The following SH3RF3 variants were observed in gnomAD, a reference collection of about 807,000 sequenced individuals.
The protein encoded by SH3RF3 is SH3 domain containing ring finger 3, also known as E3 ubiquitin-protein ligase SH3RF3.
In SH3RF3, 29 loss-of-function variants were observed where a neutral mutation model predicts 66.3. That is an observed-to-expected ratio of 0.44 (90% CI 0.33 to 0.60). SH3RF3 has a LOEUF of 0.60. Among genes scored for constraint, SH3RF3 ranks in the 20% least tolerant of loss-of-function variants. SH3RF3 has a pLI of 0.04. For missense variants in SH3RF3, 1,194 were observed against 1,190.9 expected (o/e 1.00, Z -0.04); for synonymous variants, 583 against 532.0 (o/e 1.10, Z -1.32).
intron 8 of SH3RF3, among the ~76,000 whole-genome samples, chr2:109,476,257 C>G (rs996672159): frequency 3.3e-5 from 5 of 152,212 alleles, no homozygotes; most frequent in Non-Finnish European, 4.4e-5. Flanking sequence ...CAAAGTTCTC[C>G]AGACACAGTG....
chr2:109,499,721 T>C (rs1573300587), intron 9 of SH3RF3, among the ~76,000 whole-genome samples: 1 of 152,328 alleles, frequency 6.6e-6, no homozygotes, highest in South Asian at 2.1e-4. Context: ...CCTCCTCCTC[T>C]GTGGCTTGCA....
intron 1 of SH3RF3, among the ~76,000 whole-genome samples, chr2:109,153,611 C>A (rs903859193): frequency 1.3e-5 from 2 of 152,230 alleles, no homozygotes; most frequent in African/African-American, 2.4e-5. Flanking sequence ...GTGGAAGCTG[C>A]CGCTGTGAAA....
rs532644769 is a variant in SH3RF3 at position 109,314,603 on chromosome 2, A to T, written c.574-33071A>T. Among the ~76,000 whole-genome samples the T allele has an allele frequency of 2.6e-5, 4 of 152,304 alleles. No homozygotes were observed. The South Asian group carries it at 8.3e-4, about 32-fold the overall frequency. ...AAATAGTGTCTCCATCTTAATTTGC[A>T]TGTGTCTGTCACTCTCCATGGTCTT... On this transcript the variant is annotated intron_variant, in intron 1 of 9. Coordinates refer to ENST00000309415, the MANE Select transcript of SH3RF3 (RefSeq NM_001099289.3).
intron 1 of SH3RF3, among the ~76,000 whole-genome samples, chr2:109,187,303 T>A (rs1678217279): frequency 6.6e-6 from 1 of 152,242 alleles, no homozygotes. Context: ...TTTAGTCTTT[T>A]CTGTTTAGTC....
At chr2:109,190,684 C>T (rs1678330049) in intron 1 of SH3RF3, among the ~76,000 whole-genome samples, 1 of 152,102 alleles carries the variant, frequency 6.6e-6, no homozygotes, top group Non-Finnish European at 1.5e-5. Flanking sequence ...CATTTAAAAT[C>T]ACCTGCTGAT....
intron 1 of SH3RF3, among the ~76,000 whole-genome samples, chr2:109,200,168 T>G (rs557829047): frequency 1.8e-4 from 28 of 152,228 alleles, no homozygotes; most frequent in Non-Finnish European, 3.5e-4. Flanking sequence ...GTATGGAATA[T>G]TTCTAGTTTA....
chr2:109,398,894 C>T lies in SH3RF3; in HGVS notation c.1250C>T (p.Ala417Val), dbSNP rs746149562. Residue 417 changes from alanine to valine, a missense_variant, in exon 4 of 10, where the codon GCG (alanine) becomes GTG (valine). Physicochemically the swap from Ala to Val is moderately conservative, Grantham distance 64. Coordinates refer to ENST00000309415, the MANE Select transcript of SH3RF3 (RefSeq NM_001099289.3). Reference sequence around the variant, plus strand: ...ATCAGCTCCAGCGATCCCCGAGCCGCGGCCAGGATTGGAGACCTTGCTCAT... The same window carrying T: ...ATCAGCTCCAGCGATCCCCGAGCCGTGGCCAGGATTGGAGACCTTGCTCAT... ...VLISSSDPRA[A>V]ARIGDLAHLS... 1.2e-4 allele frequency: 198 copies of T among 1,613,598 alleles called. No individual in the cohort carries two copies. Among genetic ancestry groups the T allele is most frequent in the East Asian group, 4.5e-5 (2 of 44,898 alleles).
Position 109,189,149 on chromosome 2 carries a change from C to T in SH3RF3, c.573+59036C>T, listed in dbSNP as rs79237112. On this transcript the variant is annotated intron_variant, in intron 1 of 9. Coordinates refer to ENST00000309415, the MANE Select transcript of SH3RF3 (RefSeq NM_001099289.3). Reference sequence around the variant, plus strand: ...CAGAGGCTTCCCCAGGCTGTGACCTCGCTGACAGTGTTGTGTTTCTTCGGG... The same window carrying T: ...CAGAGGCTTCCCCAGGCTGTGACCTTGCTGACAGTGTTGTGTTTCTTCGGG... Among the ~76,000 whole-genome samples, 94 of 152,018 alleles carry T rather than the reference C, an allele frequency of 6.2e-4. 1 individual carries two copies. In the East Asian group the frequency reaches 0.017, roughly 27 times the overall value.
Position 109,289,123 on chromosome 2 carries a change from A to T in SH3RF3, c.574-58551A>T, listed in dbSNP as rs138654232. ...GCTGAACTGGATTTTCCAAGCTGTC[A>T]TATGAAAAGAAAATTATTAACTATC... On this transcript the variant is annotated intron_variant, in intron 1 of 9. Coordinates refer to ENST00000309415, the MANE Select transcript of SH3RF3 (RefSeq NM_001099289.3). Among the ~76,000 whole-genome samples the T allele has an allele frequency of 2.5e-3, 383 of 152,300 alleles. 4 individuals are homozygous for T. Among genetic ancestry groups the T allele is most frequent in the Middle Eastern group, 0.02 (6 of 294 alleles).
At chr2:109,136,912 C>T (rs1025836416) in intron 1 of SH3RF3, among the ~76,000 whole-genome samples, 11 of 152,024 alleles carry the variant, frequency 7.2e-5, no homozygotes, top group African/African-American at 2.2e-4. Context: ...TCAGGGAGTT[C>T]GCAGGGAGCC....
chr2:109,300,391 G>C (rs1309811390), intron 1 of SH3RF3, among the ~76,000 whole-genome samples: 1 of 152,068 alleles, frequency 6.6e-6, no homozygotes, highest in Non-Finnish European at 1.5e-5. Context: ...CGTTGGTCAG[G>C]CTGGTCTCCA....
chr2:109,194,785 G>T (rs963649834), intron 1 of SH3RF3, among the ~76,000 whole-genome samples: 18 of 152,190 alleles, frequency 1.2e-4, no homozygotes, highest in African/African-American at 4.3e-4. Context: ...GAATGTGGTT[G>T]TCAGGGCAAC....
At chr2:109,309,589 G>GCT (rs965896637) in intron 1 of SH3RF3, among the ~76,000 whole-genome samples, 3 of 129,296 alleles carry the variant, frequency 2.3e-5, no homozygotes, top group Admixed American at 7.5e-5. Context: ...CCATCAGTGT[G>GCT]CTGTATTCAG....
chr2:109,401,803 C>G (rs1204956354), intron 4 of SH3RF3, among the ~76,000 whole-genome samples: 2 of 152,184 alleles, frequency 1.3e-5, no homozygotes, highest in African/African-American at 4.8e-5. Context: ...GCAGAGGGAA[C>G]CTTTCTAAGC....
At chr2:109,227,245 A>G (rs74869766) in intron 1 of SH3RF3, among the ~76,000 whole-genome samples, 1,773 of 152,298 alleles carry the variant, frequency 0.012, 21 homozygotes, top group Middle Eastern at 0.02. Flanking sequence ...AGTTGGGGGA[A>G]GGAGCTAAGA....
intron 1 of SH3RF3, among the ~76,000 whole-genome samples, chr2:109,134,970 G>A (rs1676784277): frequency 6.6e-6 from 1 of 152,200 alleles, no homozygotes; most frequent in Non-Finnish European, 1.5e-5. Flanking sequence ...GAGTGGCCTA[G>A]CTGGCTAACC....
chr2:109,190,174 C>G (rs1173689881), intron 1 of SH3RF3, among the ~76,000 whole-genome samples: 1 of 152,092 alleles, frequency 6.6e-6, no homozygotes, highest in African/African-American at 2.4e-5. Flanking sequence ...ACCTTGACAT[C>G]CTATTTTTTT....
At chr2:109,164,873 T>C (rs1249240858) in intron 1 of SH3RF3, among the ~76,000 whole-genome samples, 2 of 152,176 alleles carry the variant, frequency 1.3e-5, no homozygotes, top group South Asian at 2.1e-4. Flanking sequence ...GCAAGTTCCT[T>C]TAGGGTTTCA....
chr2:109,228,085 T>C (rs1679413396), intron 1 of SH3RF3, among the ~76,000 whole-genome samples: 1 of 152,198 alleles, frequency 6.6e-6, no homozygotes, highest in African/African-American at 2.4e-5. Context: ...TTTGGTACTT[T>C]TACTCTCTCT....
Sources: gnomAD v4.1 joint callset for allele counts (sites outside exome capture counted in the v4.1 genomes callset) on GRCh38, gnomAD v4.1.1 for gene constraint, MANE v1.5 for transcripts, NCBI Gene and HGNC (gene_info 2026-07-23, HGNC 2026-07-21) for gene names.